Variants in KIF21A observed in about 807,000 individuals in gnomAD.
KIF21A encodes the protein kinesin-like protein KIF21A.
KIF21A carries 114 observed loss-of-function variants against 202.9 expected under a neutral mutation model. The ratio of observed to expected loss-of-function variants is 0.56; its 90% CI spans 0.48 to 0.66. The LOEUF is 0.66. Ranked by LOEUF, KIF21A falls within the 30% of genes least tolerant of loss-of-function variation. The pLI is 0.00. For synonymous variants in KIF21A, 667 were observed against 670.8 expected (o/e 0.99, Z 0.09); for missense variants, 1,677 against 1,994.9 (o/e 0.84, Z 3.04).
At chr12:39,411,583 G>C (rs1284469969) in intron 1 of KIF21A, among the ~76,000 whole-genome samples, 2 of 152,196 alleles carry the variant, frequency 1.3e-5, no homozygotes, top group Non-Finnish European at 2.9e-5. Context: ...CTAGAGTGCA[G>C]TGGCGTGATC....
At position 39,330,813 on chromosome 12, in the gene KIF21A, G is replaced by T. The variant is rs992474024; in HGVS notation, c.3252C>A (p.Phe1084Leu). The change falls in exon 23 of 38, where the codon TTC (phenylalanine) becomes TTA (leucine). Residue 1084 changes from phenylalanine to leucine, a missense_variant. By Grantham distance (22) the Phe-to-Leu change is conservative. Around this residue, in one of 3 missense-constraint regions of KIF21A, gnomAD observed 705 missense variants for 791.9 expected, o/e 0.89. Transcript: ENST00000361418. ...ATTCTGCCTTCTCTTTCAACATATG[G>T]AATAAGAGCTGGTTTTGGGTAGCAC... Reference protein sequence around the residue: ...ITSATQNQLLFHMLKEKAELN... With the variant: ...ITSATQNQLLLHMLKEKAELN... 5.6e-6 allele frequency: 9 copies of T among 1,613,864 alleles called. No individual in the cohort carries two copies. The highest frequency in any genetic ancestry group is 7.6e-6 in the Non-Finnish European group (9 of 1,179,818).
chr12:39,327,716 A>G (rs1462256207), intron 24 of KIF21A, among the ~76,000 whole-genome samples: 2 of 152,166 alleles, frequency 1.3e-5, no homozygotes, highest in Non-Finnish European at 2.9e-5. Flanking sequence ...ATGGTCACCA[A>G]CTCAGGCCCT....
chr12:39,332,088 A>C (rs1946556116), intron 21 of KIF21A, 126 bp downstream of exon 21: 1 of 868,360 alleles, frequency 1.2e-6, no homozygotes, highest in Admixed American at 2.1e-5. Flanking sequence ...TACATGTAAA[A>C]CCTAAGCATT....
chr12:39,353,151 C>T (rs1948524054), intron 10 of KIF21A, among the ~76,000 whole-genome samples: 1 of 152,086 alleles, frequency 6.6e-6, no homozygotes, highest in Non-Finnish European at 1.5e-5. Flanking sequence ...GCACAGTCAG[C>T]TCAGTGCTTT....
chr12:39,391,410 T>C (rs751028365), intron 1 of KIF21A, among the ~76,000 whole-genome samples: 1 of 152,042 alleles, frequency 6.6e-6, no homozygotes, highest in Admixed American at 6.6e-5. Flanking sequence ...CATCCTGAAC[T>C]AAATTTAGTG....
intron 1 of KIF21A, among the ~76,000 whole-genome samples, chr12:39,393,537 G>A (rs903784773): frequency 2.0e-5 from 3 of 151,990 alleles, no homozygotes; most frequent in Admixed American, 6.6e-5. Context: ...TTGCCATTCC[G>A]TCTTCTCTGC....
At chr12:39,385,912 T>C (rs755319709) in intron 1 of KIF21A, among the ~76,000 whole-genome samples, 4 of 152,220 alleles carry the variant, frequency 2.6e-5, no homozygotes, top group Non-Finnish European at 5.9e-5. Context: ...TATACATATA[T>C]GTGCAGTCAG....
chr12:39,408,806 GC>G (rs1952824212), intron 1 of KIF21A, among the ~76,000 whole-genome samples: 1 of 142,774 alleles, frequency 7.0e-6, no homozygotes, highest in African/African-American at 2.8e-5. Flanking sequence ...AGTTGTGGGG[GC>G]TTTTGTTGGT....
chr12:39,397,531 T>TA (rs1444902205), intron 1 of KIF21A, among the ~76,000 whole-genome samples: 4 of 152,136 alleles, frequency 2.6e-5, no homozygotes, highest in Admixed American at 2.6e-4. Context: ...ATTTAATATG[T>TA]GATTGCTCTT....
intron 1 of KIF21A, among the ~76,000 whole-genome samples, chr12:39,431,781 C>T (rs1177459412): frequency 1.3e-5 from 2 of 152,180 alleles, no homozygotes; most frequent in Non-Finnish European, 2.9e-5. Context: ...ACAGAGGCAA[C>T]AGAAGATCCA....
At chr12:39,316,588 C>T (rs1944569291) in intron 29 of KIF21A, among the ~76,000 whole-genome samples, 1 of 152,090 alleles carries the variant, frequency 6.6e-6, no homozygotes, top group African/African-American at 2.4e-5. Context: ...TACCTTGAGG[C>T]CTCCAAGACT....
rs939980882 is a variant in KIF21A at position 39,413,799 on chromosome 12, T to C, written c.44+29128A>G. Among the ~76,000 whole-genome samples the C allele has an allele frequency of 2.0e-5, 3 of 152,050 alleles. No individual in the cohort carries two copies. In the South Asian group the frequency reaches 6.2e-4, roughly 31 times the overall value. The stretch of plus-strand genomic sequence containing the variant: ...TAAAAATAAAAATAAAATAAAAATG[T>C]ATTCAGGTAGCCTCCTCTTTTTTTG... On this transcript the variant is annotated intron_variant, in intron 1 of 37. Transcript: ENST00000361418.
chr12:39,433,717 AAAAG>A (rs575666222), intron 1 of KIF21A, among the ~76,000 whole-genome samples: 38 of 152,370 alleles, frequency 2.5e-4, no homozygotes, highest in African/African-American at 8.4e-4. Context: ...GCTTTGTGGA[AAAAG>A]AAAGAATAAA....
chr12:39,352,682 C>T (rs1048629361), intron 10 of KIF21A, among the ~76,000 whole-genome samples: 1 of 152,142 alleles, frequency 6.6e-6, no homozygotes, highest in African/African-American at 2.4e-5. Context: ...TTTGTCAAAT[C>T]TGCCCCAAAC....
At position 39,442,951 on chromosome 12, in the gene KIF21A, T is replaced by C; in HGVS notation, c.20A>G (p.Glu7Gly). The change falls in exon 1 of 38, where the codon GAG becomes GGG. Residue 7 changes from glutamate (E) to glycine (G), a missense_variant. Transcript: ENST00000361418. This position sits in a 1 kb window ranked among gnomAD's most constrained non-coding sequence, Gnocchi z 5.0. MLGAPD[E>G]SSVRVAVRIR... ...CCTGACAGCCACCCGCACGGAGCTC[T>C]CGTCCGGGGCGCCCAACATGCTGGC... is the stretch of plus-strand genomic sequence containing the variant. 1 of 1,522,968 alleles carries C rather than the reference T, an allele frequency of 6.6e-7. No individual in the cohort carries two copies. The highest frequency in any genetic ancestry group is 8.8e-7 in the Non-Finnish European group (1 of 1,142,350). 94.3% of individuals were successfully genotyped at this position (1,522,968 alleles called of 1,614,324 possible).
intron 7 of KIF21A, 64 bp downstream of exon 7, chr12:39,363,034 C>T (rs1949349101): frequency 9.4e-7 from 1 of 1,058,918 alleles, no homozygotes; most frequent in Non-Finnish European, 1.5e-6. Context: ...TATAAATCAT[C>T]TTACAAGCTT....
intron 11 of KIF21A, among the ~76,000 whole-genome samples, chr12:39,348,998 G>A (rs1285425437): frequency 1.3e-5 from 2 of 151,938 alleles, no homozygotes; most frequent in Non-Finnish European, 2.9e-5. Flanking sequence ...AATTTAAGGA[G>A]ATCAGAGAAA....
At chr12:39,366,263 A>T in intron 6 of KIF21A, 87 bp downstream of exon 6, 1 of 1,213,924 alleles carries the variant, frequency 8.2e-7, no homozygotes, top group East Asian at 2.3e-5. Flanking sequence ...TATCTGAAGG[A>T]TTTCCATATG....
chr12:39,442,817 A>G lies in KIF21A; in HGVS notation c.44+110T>C. On this transcript the variant is annotated intron_variant, in intron 1 of 37. Coordinates refer to ENST00000361418, the MANE Select transcript of KIF21A (RefSeq NM_001173464.2). The surrounding 1 kb of genome is among the most constrained non-coding windows in gnomAD (Gnocchi z 5.0). ...TCCTCAGCCGCAGAACCCGGCCGGG[A>G]CGCCCCTCAGGTCGCTCCACCCCGG... 1 of 1,326,996 alleles carries G rather than the reference A, an allele frequency of 7.5e-7. No homozygotes were observed. The highest frequency in any genetic ancestry group is 2.8e-5 in the East Asian group (1 of 36,324). 82.2% of individuals were successfully genotyped at this position (1,326,996 alleles called of 1,614,324 possible). A position where few individuals can be genotyped will look rare whatever the true frequency, so the allele number is the denominator to read the frequency against.
Sources: gnomAD v4.1 joint callset for allele counts (sites outside exome capture counted in the v4.1 genomes callset) on GRCh38, gnomAD v4.1.1 for gene constraint, gnomAD v4.1.1 regional missense constraint, Gnocchi (gnomAD v3.1) non-coding constraint, MANE v1.5 for transcripts, NCBI Gene and HGNC (gene_info 2026-07-23, HGNC 2026-07-21) for gene names.